UBE4B: variants seen among roughly 807,000 people sequenced by gnomAD.
UBE4B encodes ubiquitin conjugation factor E4 B.
In UBE4B, 27 loss-of-function variants were observed where a neutral mutation model predicts 148.1. That is an observed-to-expected ratio of 0.18 (90% CI 0.13 to 0.25). UBE4B has a LOEUF of 0.25. UBE4B is among the 10% of genes least tolerant of loss of function. The pLI is 1.00. For missense variants in UBE4B, 1,170 were observed against 1,662.4 expected (o/e 0.70, Z 5.15); for synonymous variants, 596 against 619.3 (o/e 0.96, Z 0.56).
chr1:10,151,453 A>G lies in UBE4B; in HGVS notation c.2818A>G (p.Met940Val). 1 of 1,614,208 alleles carries G rather than the reference A, an allele frequency of 6.2e-7. No homozygotes were observed. The highest frequency in any genetic ancestry group is 8.5e-7 in the Non-Finnish European group (1 of 1,180,044). Residue 940 changes from methionine (M) to valine (V), a missense_variant, in exon 21 of 28, where the codon ATG becomes GTG. Transcript: ENST00000343090. ...LVAKLVEVMF[M>V]TNPAVQPRTQ... ...GGCCAAACTGGTAGAAGTCATGTTT[A>G]TGACCAACCCTGCTGTTCAGCCACG...
At chr1:10,171,378 G>C (rs1453922090) in intron 25 of UBE4B, 49 bp downstream of exon 25, 2 of 1,587,360 alleles carry the variant, frequency 1.3e-6, no homozygotes, top group South Asian at 1.1e-5. Flanking sequence ...CAGATTTGGA[G>C]ATAATAACCA....
chr1:10,093,188 TACC>T (rs1322745854), intron 2 of UBE4B, among the ~76,000 whole-genome samples: 7 of 152,230 alleles, frequency 4.6e-5, no homozygotes, highest in Admixed American at 4.6e-4. Context: ...GCTTATTTAC[TACC>T]ATAATGATCA....
At chr1:10,090,793 TTGTGTGTGTGTGTGTG>T (rs57486350) in intron 2 of UBE4B, among the ~76,000 whole-genome samples, 100 of 141,402 alleles carry the variant, frequency 7.1e-4, no homozygotes, top group African/African-American at 2.4e-3. Flanking sequence ...GCCTATGCAT[TTGTGTGTGTGTGTGTG>T]TGTGTGTGTG....
chr1:10,078,443 T>G (rs1644621050), intron 2 of UBE4B, among the ~76,000 whole-genome samples: 2 of 152,346 alleles, frequency 1.3e-5, no homozygotes, highest in African/African-American at 4.8e-5. Context: ...GGAGGAAATG[T>G]TCTTTCATTT....
chr1:10,171,852 G>A (rs935555594), intron 25 of UBE4B, among the ~76,000 whole-genome samples: 10 of 152,182 alleles, frequency 6.6e-5, no homozygotes, highest in African/African-American at 2.2e-4. Flanking sequence ...CTGCACTCCA[G>A]CCTGGGCAAC....
chr1:10,033,838 C>G, intron 1 of UBE4B, 144 bp downstream of exon 1: 2 of 817,298 alleles, frequency 2.4e-6, no homozygotes, highest in South Asian at 5.9e-5. Flanking sequence ...CGTGACTCCC[C>G]GATAGGGTCT....
At position 10,065,052 on chromosome 1, in the gene UBE4B, C is replaced by T. The variant is rs540419027; in HGVS notation, c.25-6976C>T. Among the ~76,000 whole-genome samples the T allele has an allele frequency of 3.3e-5, 5 of 152,240 alleles. No individual in the cohort carries two copies. In the South Asian group the frequency reaches 8.3e-4, roughly 25 times the overall value. On this transcript the variant is annotated intron_variant, in intron 1 of 27. Transcript: ENST00000343090. Reference sequence around the variant, plus strand: ...TGCTGGGATTAAAGGTGTGAGCCACCGCGCCTGGCCCTAAAAATTTTTAAA... The same window carrying T: ...TGCTGGGATTAAAGGTGTGAGCCACTGCGCCTGGCCCTAAAAATTTTTAAA...
At chr1:10,126,027 G>A (rs75237846) in intron 10 of UBE4B, among the ~76,000 whole-genome samples, 2,631 of 152,284 alleles carry the variant, frequency 0.017, 34 homozygotes, top group Non-Finnish European at 0.027. Context: ...AGGGCCAAGC[G>A]CGGTAGCTCA....
intron 18 of UBE4B, among the ~76,000 whole-genome samples, chr1:10,146,227 A>C (rs1387362147): frequency 6.6e-6 from 1 of 152,122 alleles, no homozygotes; most frequent in African/African-American, 2.4e-5. Context: ...CGAGGCAGGC[A>C]GATCACCTGA....
intron 2 of UBE4B, among the ~76,000 whole-genome samples, chr1:10,080,956 A>G (rs1170465902): frequency 1.3e-5 from 2 of 152,334 alleles, no homozygotes; most frequent in East Asian, 3.9e-4. Flanking sequence ...ACAAAATTTC[A>G]GTTAGATCAG....
At chr1:10,097,821 T>C (rs746658838) in intron 3 of UBE4B, among the ~76,000 whole-genome samples, 1 of 152,024 alleles carries the variant, frequency 6.6e-6, no homozygotes, top group Non-Finnish European at 1.5e-5. Context: ...AAAAAAGTAA[T>C]AAATAAATAA....
intron 1 of UBE4B, among the ~76,000 whole-genome samples, chr1:10,063,525 G>A (rs144865061): frequency 5.9e-5 from 9 of 152,276 alleles, no homozygotes; most frequent in South Asian, 2.1e-4. Context: ...CTCCAGAGCT[G>A]TCCCTTTCCT....
chr1:10,046,532 C>T (rs1378236261), intron 1 of UBE4B, among the ~76,000 whole-genome samples: 1 of 152,094 alleles, frequency 6.6e-6, no homozygotes, highest in Non-Finnish European at 1.5e-5. Flanking sequence ...ATTGTCAGCT[C>T]CTGCCAGGCT....
chr1:10,118,922 C>G (rs1308373610), intron 8 of UBE4B, among the ~76,000 whole-genome samples: 1 of 101,190 alleles, frequency 9.9e-6, no homozygotes, highest in Non-Finnish European at 1.8e-5. Flanking sequence ...CTCACTCTGT[C>G]ACCAGGCTGG....
rs61782905 is a variant in UBE4B, at chr1:10,118,043, A to G, written c.1338+443A>G. 8.4e-3 allele frequency among the ~76,000 whole-genome samples: 1,276 copies of G among 152,270 alleles called. 14 individuals are homozygous for G. Among genetic ancestry groups the G allele is most frequent in the Admixed American group, 0.013 (202 of 15,284 alleles). On this transcript the variant is annotated intron_variant, in intron 8 of 27. Coordinates refer to ENST00000343090, the MANE Select transcript of UBE4B (RefSeq NM_001105562.3). Reference sequence around the variant, plus strand: ...GTATAACATAGGCATTCTTTTTTCAACGTATGACTAAGCAAATGACTCTCA... The same window carrying G: ...GTATAACATAGGCATTCTTTTTTCAGCGTATGACTAAGCAAATGACTCTCA...
chr1:10,158,612 C>T (rs922123167), intron 22 of UBE4B, 130 bp downstream of exon 22: 3 of 1,189,374 alleles, frequency 2.5e-6, no homozygotes, highest in African/African-American at 3.1e-5. Context: ...GAGTTTACCA[C>T]AAGATGCCAC....
chr1:10,093,990 C>A (rs967231153), intron 2 of UBE4B, among the ~76,000 whole-genome samples: 26 of 152,112 alleles, frequency 1.7e-4, no homozygotes, highest in Non-Finnish European at 1.5e-5. Context: ...CCATCGTGCC[C>A]AGCCAATGGT....
intron 25 of UBE4B, among the ~76,000 whole-genome samples, chr1:10,172,021 C>A (rs1646346687): frequency 6.6e-6 from 1 of 152,134 alleles, no homozygotes; most frequent in Admixed American, 6.6e-5. Context: ...TGAAAAGAGC[C>A]CGGTTTCTCA....
At chr1:10,129,482 A>G in intron 12 of UBE4B, 34 bp downstream of exon 12, 2 of 1,598,522 alleles carry the variant, frequency 1.3e-6, no homozygotes, top group South Asian at 1.1e-5. Flanking sequence ...GCACATTTTC[A>G]GTGAATATAT....
Sources: allele counts gnomAD v4.1 joint callset (sites outside exome capture counted in the v4.1 genomes callset), GRCh38; gene constraint gnomAD v4.1.1; transcripts MANE v1.5; gene names NCBI Gene and HGNC (gene_info 2026-07-23, HGNC 2026-07-21).